The following ARFGEF3 variants were observed in gnomAD, a reference collection of about 807,000 sequenced individuals.
ARFGEF3 encodes brefeldin A-inhibited guanine nucleotide-exchange protein 3.
Under a neutral mutation model 221.7 loss-of-function variants are expected in ARFGEF3, and 96 were observed. The observed-to-expected ratio is 0.43, with a 90% CI of 0.37 to 0.51. The LOEUF (loss-of-function observed/expected upper bound fraction) is 0.51. ARFGEF3 is among the 20% of genes least tolerant of loss of function. The probability of loss-of-function intolerance (pLI) is 0.00; values close to 1 mark genes in which losing one functional copy is unlikely to be tolerated. For missense variants in ARFGEF3, 2,410 were observed against 2,789.9 expected, an observed-to-expected ratio of 0.86 and a Z score of 3.07; for synonymous variants, 1,145 against 1,126.8, an observed-to-expected ratio of 1.02 and a Z score of -0.32.
intron 6 of ARFGEF3, among the ~76,000 whole-genome samples, chr6:138,241,539 C>T (rs1045465242): frequency 3.3e-5 from 5 of 152,110 alleles, no homozygotes; most frequent in African/African-American, 9.7e-5. Context: ...GAAAAACAGC[C>T]ACAGGTGCAG....
Position 138,262,686 on chromosome 6 carries a change from T to G in ARFGEF3, c.1218-15T>G. The G allele has an allele frequency of 6.3e-7, 1 of 1,576,716 alleles. No homozygotes were observed. The highest frequency in any genetic ancestry group is 1.4e-5 in the African/African-American group (1 of 74,010). On this transcript the variant is annotated splice_polypyrimidine_tract_variant and intron_variant, in intron 11 of 33. Transcript: ENST00000251691. ...TTATGCATTTATTCCATTTTCTCTT[T>G]TGAACACTGTTTAGCATCATGGATG...
intron 22 of ARFGEF3, among the ~76,000 whole-genome samples, chr6:138,306,468 A>C (rs919206667): frequency 1.3e-5 from 2 of 152,188 alleles, no homozygotes; most frequent in Non-Finnish European, 2.9e-5. Flanking sequence ...GTGATTCTCA[A>C]ATTTATATGA....
At chr6:138,295,429 G>A (rs1779490318) in intron 20 of ARFGEF3, among the ~76,000 whole-genome samples, 2 of 150,716 alleles carry the variant, frequency 1.3e-5, no homozygotes, top group African/African-American at 2.4e-5. Flanking sequence ...AGACAAGCCT[G>A]ACCAATATGG....
intron 2 of ARFGEF3, among the ~76,000 whole-genome samples, chr6:138,196,278 A>G (rs894834258): frequency 3.9e-5 from 6 of 152,234 alleles, no homozygotes; most frequent in Admixed American, 3.3e-4. Context: ...AGGCAAGTTC[A>G]TTATTATGCA....
At chr6:138,274,288 A>G (rs781745899) in intron 12 of ARFGEF3, among the ~76,000 whole-genome samples, 6 of 152,160 alleles carry the variant, frequency 3.9e-5, no homozygotes, top group Non-Finnish European at 8.8e-5. Context: ...GATCCAGGGT[A>G]GTTAAACACC....
intron 32 of ARFGEF3, among the ~76,000 whole-genome samples, chr6:138,333,178 T>C (rs928485922): frequency 6.6e-6 from 1 of 152,208 alleles, no homozygotes; most frequent in South Asian, 2.1e-4. Flanking sequence ...ATTAAAAAGT[T>C]TGGCAAACAT....
intron 12 of ARFGEF3, among the ~76,000 whole-genome samples, chr6:138,275,960 C>T (rs1321320758): frequency 1.3e-5 from 2 of 152,140 alleles, no homozygotes; most frequent in African/African-American, 2.4e-5. Flanking sequence ...ACATGATTTG[C>T]AGAGTGTATG....
In ARFGEF3 at chr6:138,276,395, A is replaced by G. The variant is rs996399778; in HGVS notation, c.2129-2056A>G. On this transcript the variant is annotated intron_variant, in intron 12 of 33. Transcript: ENST00000251691. ...GATACCAACAACTCTGACTGAATGA[A>G]CCCATCTTCAGAGCATGAGATATAG... is the stretch of plus-strand genomic sequence containing the variant. Among the ~76,000 whole-genome samples, 6 of 152,316 alleles carry G rather than the reference A, an allele frequency of 3.9e-5. No homozygotes were observed. In the South Asian group the frequency reaches 1.2e-3, roughly 32 times the overall value.
At chr6:138,335,561 T>A (rs1381574731) in intron 33 of ARFGEF3, among the ~76,000 whole-genome samples, 7 of 147,048 alleles carry the variant, frequency 4.8e-5, no homozygotes, top group South Asian at 2.1e-4. Flanking sequence ...AAAAAAAAAA[T>A]TAGCTGGGAG....
intron 1 of ARFGEF3, among the ~76,000 whole-genome samples, chr6:138,163,028 A>C (rs574555992): frequency 1.3e-5 from 2 of 152,292 alleles, no homozygotes; most frequent in East Asian, 3.9e-4. Flanking sequence ...CTCAGTTGCC[A>C]CTCAATTGAA....
Position 138,183,761 on chromosome 6 carries a change from G to A in ARFGEF3, c.137+13048G>A, listed in dbSNP as rs377499773. On this transcript the variant is annotated intron_variant, in intron 2 of 33. Coordinates refer to ENST00000251691, the MANE Select transcript of ARFGEF3 (RefSeq NM_020340.5). ...TCCTACATATGCCTTTTGGGACCTC[G>A]AGCTGGTCATTTTGCCTGTCAGTTT... Among the ~76,000 whole-genome samples the A allele has an allele frequency of 1.9e-3, 286 of 152,218 alleles. 9 individuals carry two copies. In the South Asian group the frequency reaches 0.056, roughly 30 times the overall value.
chr6:138,218,105 A>G, intron 4 of ARFGEF3: 1 of 1,613,988 alleles, frequency 6.2e-7, no homozygotes, highest in Non-Finnish European at 8.5e-7. Context: ...ATAATGAGGA[A>G]CATTTCATTG....
At chr6:138,312,210 G>A (rs1346581465) in intron 25 of ARFGEF3, among the ~76,000 whole-genome samples, 1 of 152,040 alleles carries the variant, frequency 6.6e-6, no homozygotes, top group African/African-American at 2.4e-5. Context: ...TTGTCAAAGT[G>A]AGCAGTGACC....
intron 7 of ARFGEF3, among the ~76,000 whole-genome samples, chr6:138,243,419 A>G (rs1646754859): frequency 6.6e-6 from 1 of 152,226 alleles, no homozygotes; most frequent in South Asian, 2.1e-4. Context: ...ATGATGAGTC[A>G]TCTCACAGGG....
chr6:138,217,254 A>G (rs988574549), intron 4 of ARFGEF3: 3 of 152,236 alleles, frequency 2.0e-5, no homozygotes, highest in Non-Finnish European at 4.4e-5. Context: ...TTAAGCGCAT[A>G]TAAATGCAGA....
intron 1 of ARFGEF3, among the ~76,000 whole-genome samples, chr6:138,163,643 A>C (rs1776662707): frequency 6.6e-6 from 1 of 152,178 alleles, no homozygotes; most frequent in Non-Finnish European, 1.5e-5. Flanking sequence ...TGACATCAAC[A>C]TCTTATTAAG....
chr6:138,248,458 C>G (rs1408485126), intron 8 of ARFGEF3, among the ~76,000 whole-genome samples: 1 of 152,176 alleles, frequency 6.6e-6, no homozygotes, highest in Non-Finnish European at 1.5e-5. Context: ...AATATAAAGA[C>G]TGCATTTGTT....
chr6:138,263,989 G>T (rs1452200984), intron 12 of ARFGEF3, among the ~76,000 whole-genome samples: 3 of 152,162 alleles, frequency 2.0e-5, no homozygotes, highest in Non-Finnish European at 4.4e-5. Flanking sequence ...TGTACTTTTG[G>T]TGTATCAAAA....
intron 6 of ARFGEF3, among the ~76,000 whole-genome samples, chr6:138,242,609 G>T (rs1778413085): frequency 6.6e-6 from 1 of 152,186 alleles, no homozygotes; most frequent in Admixed American, 6.5e-5. Flanking sequence ...CTTCAGGTAG[G>T]CATTGCCCCA....
Sources: gnomAD v4.1 joint callset for allele counts (sites outside exome capture counted in the v4.1 genomes callset) on GRCh38, gnomAD v4.1.1 for gene constraint, MANE v1.5 for transcripts, NCBI Gene and HGNC (gene_info 2026-07-23, HGNC 2026-07-21) for gene names.